CACNG2: variants seen among roughly 807,000 people sequenced by gnomAD.
The protein encoded by CACNG2 is voltage-dependent calcium channel gamma-2 subunit.
In CACNG2, 3 loss-of-function variants were observed where a neutral mutation model predicts 25.9. That is an observed-to-expected ratio of 0.12 (90% CI 0.05 to 0.30). The LOEUF (loss-of-function observed/expected upper bound fraction) is 0.30, where lower values mean the gene tolerates loss of function less well. CACNG2 is among the 10% of genes least tolerant of loss of function. The probability of loss-of-function intolerance (pLI) is 1.00; values close to 1 mark genes in which losing one functional copy is unlikely to be tolerated. For missense variants in CACNG2, 341 were observed against 432.5 expected (o/e 0.79, Z 1.88); for synonymous variants, 167 against 173.3 (o/e 0.96, Z 0.29).
intron 1 of CACNG2, among the ~76,000 whole-genome samples, chr22:36,598,335 T>C (rs1265149121): frequency 2.0e-5 from 3 of 152,034 alleles, no homozygotes; most frequent in African/African-American, 7.2e-5. Flanking sequence ...TGACTATACC[T>C]GGCCAGGCAT....
At chr22:36,699,644 AGGGGTGG>A (rs1937385930) in intron 1 of CACNG2, among the ~76,000 whole-genome samples, 1 of 136,678 alleles carries the variant, frequency 7.3e-6, no homozygotes, top group Non-Finnish European at 1.5e-5. Context: ...CAAGTGGTTA[AGGGGTGG>A]GGGGTGGGGG....
At chr22:36,692,264 T>C (rs1229133829) in intron 1 of CACNG2, among the ~76,000 whole-genome samples, 1 of 152,196 alleles carries the variant, frequency 6.6e-6, no homozygotes, top group Non-Finnish European at 1.5e-5. Context: ...ATCCCTGGCA[T>C]GCTTGTTAGC....
At chr22:36,604,796 G>C (rs1024662349) in intron 1 of CACNG2, among the ~76,000 whole-genome samples, 9 of 152,156 alleles carry the variant, frequency 5.9e-5, no homozygotes, top group Admixed American at 3.3e-4. Context: ...TATATTTTTT[G>C]AGACAGAATC....
chr22:36,698,466 A>G (rs1453228244), intron 1 of CACNG2, among the ~76,000 whole-genome samples: 4 of 152,166 alleles, frequency 2.6e-5, no homozygotes, highest in African/African-American at 7.2e-5. Flanking sequence ...AAAATAAAAG[A>G]TGAATCCTTT....
At chr22:36,674,028 G>T (rs914303681) in intron 1 of CACNG2, among the ~76,000 whole-genome samples, 1 of 152,184 alleles carries the variant, frequency 6.6e-6, no homozygotes. Context: ...CGTCCCTCCC[G>T]CATGATCAAG....
intron 1 of CACNG2, among the ~76,000 whole-genome samples, chr22:36,588,979 C>T (rs1259530213): frequency 7.2e-6 from 1 of 138,624 alleles, no homozygotes; most frequent in Non-Finnish European, 1.5e-5. Context: ...GGTATTATTA[C>T]ATATACCTTT....
At position 36,673,258 on chromosome 22, in the gene CACNG2, T is replaced by C. The variant is rs184546716; in HGVS notation, c.211+29108A>G. Among the ~76,000 whole-genome samples, 15 of 151,994 alleles carry C rather than the reference T, an allele frequency of 9.9e-5. No individual in the cohort carries two copies. In the East Asian group the frequency reaches 2.9e-3, roughly 29 times the overall value. ...AAAAAAACAAAATGTGTTGAAGGAC[T>C]GAAGGAATGAATCTCCCAGAAAGCA... On this transcript the variant is annotated intron_variant, in intron 1 of 3. Coordinates refer to ENST00000300105, the MANE Select transcript of CACNG2 (RefSeq NM_006078.5).
chr22:36,613,156 C>CTCTG (rs140413982), intron 1 of CACNG2, among the ~76,000 whole-genome samples: 1,916 of 145,940 alleles, frequency 0.013, 28 homozygotes, highest in South Asian at 0.053. Context: ...TACAGGCTCT[C>CTCTG]TGTGTGTGTG....
At chr22:36,688,209 C>A (rs1201209727) in intron 1 of CACNG2, among the ~76,000 whole-genome samples, 1 of 152,134 alleles carries the variant, frequency 6.6e-6, no homozygotes, top group East Asian at 1.9e-4. Context: ...ACTCTTTCTT[C>A]TTATATCTCT....
In CACNG2 at chr22:36,563,844, TAA is replaced by T. The variant is rs34363201; in HGVS notation, c.*505_*506del. On this transcript the variant is annotated 3_prime_UTR_variant, in exon 4 of 4. Transcript: ENST00000300105. ...AACAGAAAAGTAACTCTCCCCGAGT[TAA>T]AAAAAAAAAAAAAAAGTAACATAAA... The T allele has an allele frequency of 0.029, 3,492 of 121,358 alleles. 54 individuals are homozygous for T. Among genetic ancestry groups the T allele is most frequent in the African/African-American group, 0.039 (1,262 of 32,550 alleles). The allele number at this position is 121,358 out of a possible 1,614,324, so 7.5% of individuals were successfully genotyped here.
At chr22:36,574,899 G>C (rs1935289108) in intron 2 of CACNG2, among the ~76,000 whole-genome samples, 1 of 152,236 alleles carries the variant, frequency 6.6e-6, no homozygotes, top group Non-Finnish European at 1.5e-5. Context: ...GGATGTGCAT[G>C]TAGAGTGTGG....
chr22:36,564,931 G>T lies in CACNG2; in HGVS notation c.437-45C>A, dbSNP rs779711682. On this transcript the variant is annotated intron_variant, in intron 3 of 3. Coordinates refer to ENST00000300105, the MANE Select transcript of CACNG2 (RefSeq NM_006078.5). This position sits in a 1 kb window ranked among gnomAD's most constrained non-coding sequence, Gnocchi z 6.7. ...GGGGTGGGGGATCAGAGAGAAGGAC[G>T]TTAGTTTCTCAGGAAGTCGGCCACA... 5.7e-6 allele frequency: 9 copies of T among 1,572,390 alleles called. No homozygotes were observed. Among genetic ancestry groups the T allele is most frequent in the Middle Eastern group, 3.5e-4 (2 of 5,646 alleles).
chr22:36,594,807 G>C (rs1334191541), intron 1 of CACNG2, among the ~76,000 whole-genome samples: 1 of 147,586 alleles, frequency 6.8e-6, no homozygotes, highest in South Asian at 2.2e-4. Flanking sequence ...TGTGTGCATG[G>C]ATGTGTGTCT....
intron 2 of CACNG2, among the ~76,000 whole-genome samples, chr22:36,569,199 T>TA (rs967012072): frequency 6.6e-6 from 1 of 152,152 alleles, no homozygotes; most frequent in African/African-American, 2.4e-5. Context: ...CTTGAGCAGG[T>TA]ACCTAACATA....
At chr22:36,654,001 T>C (rs1336831469) in intron 1 of CACNG2, among the ~76,000 whole-genome samples, 1 of 150,004 alleles carries the variant, frequency 6.7e-6, no homozygotes, top group Non-Finnish European at 1.5e-5. Context: ...TGTGTGTGTG[T>C]GTGTGTGTGT....
chr22:36,690,688 AG>A (rs1243501878), intron 1 of CACNG2, among the ~76,000 whole-genome samples: 1 of 152,220 alleles, frequency 6.6e-6, no homozygotes, highest in African/African-American at 2.4e-5. Flanking sequence ...CATAAGTGAC[AG>A]GGGTGGGATT....
intron 1 of CACNG2, among the ~76,000 whole-genome samples, chr22:36,605,493 G>A (rs552375992): frequency 1.3e-5 from 2 of 152,316 alleles, no homozygotes; most frequent in South Asian, 4.1e-4. Context: ...AAGTCTGCCT[G>A]TATGAGAGAG....
chr22:36,637,110 T>G (rs1259203957), intron 1 of CACNG2, among the ~76,000 whole-genome samples: 1 of 152,230 alleles, frequency 6.6e-6, no homozygotes, highest in East Asian at 1.9e-4. Flanking sequence ...ATGTTGCACC[T>G]CCTGGCTGGC....
intron 2 of CACNG2, among the ~76,000 whole-genome samples, chr22:36,576,884 G>C (rs1020926689): frequency 6.6e-6 from 1 of 152,150 alleles, no homozygotes; most frequent in African/African-American, 2.4e-5. Context: ...ATCGTCAAGT[G>C]TTCAATGAAC....
Sources: gnomAD v4.1 joint callset for allele counts (sites outside exome capture counted in the v4.1 genomes callset) on GRCh38, gnomAD v4.1.1 for gene constraint, Gnocchi (gnomAD v3.1) non-coding constraint, MANE v1.5 for transcripts, NCBI Gene and HGNC (gene_info 2026-07-23, HGNC 2026-07-21) for gene names.